Variants in AKR1C8 observed in about 807,000 individuals in gnomAD.
AKR1C8 encodes aldo-keto reductase family 1 member C-like protein 1.
the AKR1C8 span, chr10:5,184,996 C>A: frequency 5.6e-5 from 30 of 534,364 alleles, no homozygotes; most frequent in Non-Finnish European, 1.0e-4. Flanking sequence ...ACTTCAGCCT[C>A]CTGGGGTCCA....
chr10:5,158,627 G>A, the AKR1C8 span: 5 of 480,532 alleles, frequency 1.0e-5, no homozygotes, highest in African/African-American at 2.0e-5. Context: ...GGATCCCAGG[G>A]CACTGTAGGC....
At chr10:5,173,370 CAG>C in the AKR1C8 span, among the ~76,000 whole-genome samples, 1 of 151,920 alleles carries the variant, frequency 6.6e-6, no homozygotes, top group African/African-American at 2.4e-5. Context: ...GGGAGGATGG[CAG>C]AGGTGGTTTT....
the AKR1C8 span, among the ~76,000 whole-genome samples, chr10:5,184,085 TG>T: frequency 6.6e-6 from 1 of 152,182 alleles, no homozygotes; most frequent in Admixed American, 6.5e-5. Flanking sequence ...TGACTGCTCC[TG>T]GGCCAAGGTC....
chr10:5,159,594 A>G, the AKR1C8 span, among the ~76,000 whole-genome samples: 2 of 151,886 alleles, frequency 1.3e-5, no homozygotes, highest in Admixed American at 1.3e-4. Context: ...TAAAGCAATG[A>G]CTCCAAACAT....
chr10:5,131,957 G>A, the AKR1C8 span, among the ~76,000 whole-genome samples: 3 of 152,250 alleles, frequency 2.0e-5, no homozygotes, highest in East Asian at 3.9e-4. Context: ...ACCAATGCAT[G>A]AATAATGAAA....
At chr10:5,162,908 C>A in the AKR1C8 span, 1 of 534,662 alleles carries the variant, frequency 1.9e-6, no homozygotes, top group Non-Finnish European at 3.8e-6. Flanking sequence ...GATCTTCTCC[C>A]AAATGGCCTG....
the AKR1C8 span, among the ~76,000 whole-genome samples, chr10:5,176,468 T>G: frequency 2.0e-5 from 3 of 150,108 alleles, no homozygotes; most frequent in Non-Finnish European, 4.4e-5. Context: ...CAGGCTCTTT[T>G]TTGGTTCCAT....
chr10:5,128,060 C>G, the AKR1C8 span, among the ~76,000 whole-genome samples: 1 of 152,130 alleles, frequency 6.6e-6, no homozygotes, highest in Non-Finnish European at 1.5e-5. Context: ...AAAGAAGAAT[C>G]TATCAGACTA....
the AKR1C8 span, among the ~76,000 whole-genome samples, chr10:5,173,960 G>A: frequency 2.6e-5 from 4 of 151,898 alleles, no homozygotes; most frequent in Non-Finnish European, 5.9e-5. Flanking sequence ...GATGACCTGA[G>A]ACTCCTTTGG....
the AKR1C8 span, among the ~76,000 whole-genome samples, chr10:5,171,103 T>A: frequency 6.6e-6 from 1 of 152,058 alleles, no homozygotes; most frequent in African/African-American, 2.4e-5. Context: ...TGTTTGATAT[T>A]AATTAACATT....
At chr10:5,129,687 C>T in the AKR1C8 span, among the ~76,000 whole-genome samples, 1 of 151,862 alleles carries the variant, frequency 6.6e-6, no homozygotes, top group African/African-American at 2.4e-5. Flanking sequence ...GGATAAATTC[C>T]TAGAAACATA....
chr10:5,120,512 A>G, the AKR1C8 span, among the ~76,000 whole-genome samples: 1 of 151,990 alleles, frequency 6.6e-6, no homozygotes, highest in Non-Finnish European at 1.5e-5. Flanking sequence ...CATTTTTATA[A>G]TTTGTCCTTT....
chr10:5,120,981 T>C, the AKR1C8 span, among the ~76,000 whole-genome samples: 295 of 152,242 alleles, frequency 1.9e-3, 1 homozygote, highest in African/African-American at 6.9e-3. Flanking sequence ...ATAAGTAATA[T>C]AATGAATCAA....
chr10:5,179,847 G>C, the AKR1C8 span, among the ~76,000 whole-genome samples: 1 of 152,000 alleles, frequency 6.6e-6, no homozygotes, highest in African/African-American at 2.4e-5. Flanking sequence ...GCACTTCTCT[G>C]TATTTGTTAT....
chr10:5,178,805 CTT>C, the AKR1C8 span, among the ~76,000 whole-genome samples: 9 of 151,236 alleles, frequency 6.0e-5, no homozygotes, highest in Admixed American at 3.3e-4. Flanking sequence ...CAACCCCTGC[CTT>C]TTTTTTTGTT....
the AKR1C8 span, among the ~76,000 whole-genome samples, chr10:5,160,580 G>C: frequency 1.3e-5 from 2 of 152,032 alleles, no homozygotes; most frequent in Admixed American, 6.5e-5. Context: ...CTGATCTCAA[G>C]GCCAAAGGTG....
At chr10:5,175,294 A>G in the AKR1C8 span, among the ~76,000 whole-genome samples, 4 of 152,104 alleles carry the variant, frequency 2.6e-5, no homozygotes, top group African/African-American at 9.7e-5. Context: ...GTACCTACAA[A>G]GGACATGAAC....
chr10:5,177,983 G>C, the AKR1C8 span, among the ~76,000 whole-genome samples: 37 of 152,074 alleles, frequency 2.4e-4, no homozygotes, highest in Non-Finnish European at 5.9e-5. Flanking sequence ...ATTTCCTTCA[G>C]TTCTGCTCTG....
chr10:5,141,986 C>T, the AKR1C8 span, among the ~76,000 whole-genome samples: 3 of 152,204 alleles, frequency 2.0e-5, no homozygotes, highest in East Asian at 5.8e-4. Flanking sequence ...TTTTTTGGTA[C>T]AAGGCCCTTT....
Sources: allele counts gnomAD v4.1 joint callset (sites outside exome capture counted in the v4.1 genomes callset), GRCh38; gene constraint gnomAD v4.1.1; transcripts MANE v1.5; gene names NCBI Gene and HGNC (gene_info 2026-07-23, HGNC 2026-07-21).